Variants in PAX3 observed in about 807,000 individuals in gnomAD.
PAX3 encodes the protein paired box protein Pax-3.
Under a neutral mutation model 51.6 loss-of-function variants are expected in PAX3, and 14 were observed. The observed-to-expected ratio is 0.27, with a 90% confidence interval of 0.18 to 0.42. The LOEUF (loss-of-function observed/expected upper bound fraction) is 0.42. Ranked by LOEUF, PAX3 falls within the 10% of genes least tolerant of loss-of-function variation. The pLI is 1.00. For missense variants in PAX3, 540 were observed against 642.8 expected (o/e 0.84, Z 1.73); for synonymous variants, 280 against 253.4 (o/e 1.11, Z -1.00).
chr2:222,293,575 A>G, intron 4 of PAX3: 2 of 1,556,434 alleles, frequency 1.3e-6, no homozygotes, highest in Non-Finnish European at 8.8e-7. Context: ...TTCAATTCCC[A>G]GGCACACACA....
chr2:222,288,269 G>A (rs1694906523), intron 4 of PAX3, among the ~76,000 whole-genome samples: 1 of 152,208 alleles, frequency 6.6e-6, no homozygotes, highest in African/African-American at 2.4e-5. Flanking sequence ...ACTTTAGAAA[G>A]TGCAATCCAT....
chr2:222,217,957 G>A (rs571265016), intron 7 of PAX3, among the ~76,000 whole-genome samples: 1 of 152,210 alleles, frequency 6.6e-6, no homozygotes, highest in East Asian at 1.9e-4. Flanking sequence ...TTTGCTCATT[G>A]TCCTTTGCTC....
intron 7 of PAX3, chr2:222,214,833 C>T (rs926457181): frequency 6.6e-6 from 1 of 152,090 alleles, no homozygotes; most frequent in Non-Finnish European, 1.5e-5. Context: ...TGAAACAAGG[C>T]CTCACAGCAT....
rs991753112 is a variant in PAX3, at chr2:222,240,474, T to C, written c.587-8191A>G. Among the ~76,000 whole-genome samples, 7 of 152,298 alleles carry C rather than the reference T, an allele frequency of 4.6e-5. 1 individual carries two copies. The highest frequency in any genetic ancestry group is 4.1e-4 in the South Asian group (2 of 4,830). On this transcript the variant is annotated intron_variant, in intron 4 of 8. Coordinates refer to ENST00000392070, the MANE Select transcript of PAX3 (RefSeq NM_181458.4). ...CACCTGACCATTGGTCATCGAAAAG[T>C]CCTCCTTTCTAACAACAGCAGCAAA... is the stretch of plus-strand genomic sequence containing the variant.
intron 4 of PAX3, among the ~76,000 whole-genome samples, chr2:222,287,733 C>T (rs45473594): frequency 1.3e-5 from 2 of 152,260 alleles, no homozygotes; most frequent in East Asian, 1.9e-4. Flanking sequence ...TATTTTACAT[C>T]AGAGAGCATT....
chr2:222,215,792 A>G (rs1691932256), intron 7 of PAX3, among the ~76,000 whole-genome samples: 1 of 152,084 alleles, frequency 6.6e-6, no homozygotes, highest in African/African-American at 2.4e-5. Context: ...TACCCCATGC[A>G]CTATATTTTC....
intron 7 of PAX3, among the ~76,000 whole-genome samples, chr2:222,205,092 A>T (rs1404782955): frequency 1.3e-5 from 2 of 152,230 alleles, no homozygotes; most frequent in South Asian, 2.1e-4. Context: ...AGCAAAAATC[A>T]GCTTATGATG....
intron 4 of PAX3, among the ~76,000 whole-genome samples, chr2:222,247,910 ACTACT>A (rs45586332): frequency 0.11 from 17,392 of 152,136 alleles, 1,211 homozygotes; most frequent in East Asian, 0.32. Context: ...CATCTTTATA[ACTACT>A]CTGTGAGTTG....
chr2:222,218,437 AC>A (rs2106068183), intron 7 of PAX3, among the ~76,000 whole-genome samples: 1 of 152,354 alleles, frequency 6.6e-6, no homozygotes, highest in African/African-American at 2.4e-5. Flanking sequence ...AAAATAAGGT[AC>A]TAAGAAATGC....
intron 7 of PAX3, among the ~76,000 whole-genome samples, chr2:222,209,540 A>G (rs1460384478): frequency 1.3e-5 from 2 of 151,866 alleles, no homozygotes; most frequent in Non-Finnish European, 2.9e-5. Context: ...GCTCTGTGGT[A>G]AGGCAGAATA....
intron 7 of PAX3, among the ~76,000 whole-genome samples, chr2:222,203,012 C>T (rs1227966688): frequency 1.9e-4 from 8 of 41,176 alleles, no homozygotes; most frequent in South Asian, 2.1e-3. Context: ...ACAACCATTT[C>T]ATATATATAT....
At chr2:222,258,871 G>A (rs755227033) in intron 4 of PAX3, among the ~76,000 whole-genome samples, 2 of 152,102 alleles carry the variant, frequency 1.3e-5, no homozygotes, top group Non-Finnish European at 2.9e-5. Flanking sequence ...GTCTCTTATT[G>A]GTGATGCTGA....
intron 4 of PAX3, among the ~76,000 whole-genome samples, chr2:222,244,734 C>CAAAAAAAAAAAAAAAAAAAAAAAAA (rs35127003): frequency 3.6e-5 from 4 of 109,720 alleles, no homozygotes; most frequent in African/African-American, 1.0e-4. Flanking sequence ...TATTGTTCAC[C>CAAAAAAAAAAAAAAAAAAAAAAAAA]AAAAAAAAAA....
At chr2:222,260,565 GT>G (rs869129158) in intron 4 of PAX3, among the ~76,000 whole-genome samples, 17,974 of 55,258 alleles carry the variant, frequency 0.33, 1,482 homozygotes, top group Middle Eastern at 0.35. Flanking sequence ...TTTTTTTTTT[GT>G]TTTTTTTTTT....
intron 4 of PAX3, among the ~76,000 whole-genome samples, chr2:222,278,029 C>CGT (rs1038549840): frequency 2.0e-5 from 3 of 150,748 alleles, no homozygotes; most frequent in African/African-American, 7.3e-5. Flanking sequence ...TATGTGTGAC[C>CGT]GAAGACAATT....
chr2:222,213,472 T>C (rs1173457619), intron 7 of PAX3, among the ~76,000 whole-genome samples: 1 of 152,136 alleles, frequency 6.6e-6, no homozygotes, highest in African/African-American at 2.4e-5. Flanking sequence ...ATGGGCTCGT[T>C]TATGATCATA....
At chr2:222,203,130 C>A (rs532866091) in intron 7 of PAX3, among the ~76,000 whole-genome samples, 1 of 138,488 alleles carries the variant, frequency 7.2e-6, no homozygotes, top group South Asian at 2.3e-4. Flanking sequence ...ATAACCTGGA[C>A]AGTAAGACAA....
At chr2:222,280,637 T>C (rs1270161205) in intron 4 of PAX3, among the ~76,000 whole-genome samples, 1 of 152,166 alleles carries the variant, frequency 6.6e-6, no homozygotes, top group African/African-American at 2.4e-5. Context: ...CACTTATCCA[T>C]TGGTTTTATG....
chr2:222,239,415 C>T (rs1034015730), intron 4 of PAX3, among the ~76,000 whole-genome samples: 2 of 151,916 alleles, frequency 1.3e-5, no homozygotes, highest in Non-Finnish European at 1.5e-5. Flanking sequence ...GACTTCAGCA[C>T]CTGGAAGCTT....
Sources: allele counts gnomAD v4.1 joint callset (sites outside exome capture counted in the v4.1 genomes callset), GRCh38; gene constraint gnomAD v4.1.1; transcripts MANE v1.5; gene names NCBI Gene and HGNC (gene_info 2026-07-23, HGNC 2026-07-21).